ACYP2: variants seen among roughly 807,000 people sequenced by gnomAD.
The protein encoded by ACYP2 is acylphosphatase 2, also known as acylphosphatase-2.
A neutral mutation model predicts 11.2 loss-of-function variants in ACYP2; 12 were observed. The observed-to-expected ratio is 1.08, with a 90% CI of 0.69 to 1.74. The LOEUF (loss-of-function observed/expected upper bound fraction) is 1.74, where lower values mean the gene tolerates loss of function less well. Among genes scored for constraint, ACYP2 ranks in the 40% most tolerant of loss-of-function variants. ACYP2 has a pLI of 0.00. For missense variants in ACYP2, 134 were observed against 101.9 expected, an observed-to-expected ratio of 1.31 and a Z score of -1.35; for synonymous variants, 43 against 32.2, an observed-to-expected ratio of 1.33 and a Z score of -1.13.
chr2:54,186,108 T>C (rs1683981610), intron 6 of ACYP2, among the ~76,000 whole-genome samples: 1 of 152,086 alleles, frequency 6.6e-6, no homozygotes, highest in African/African-American at 2.4e-5. Context: ...AAATTGAATA[T>C]AAAGAGAGAA....
At chr2:54,126,188 CGT>C (rs1387452236) in intron 4 of ACYP2, among the ~76,000 whole-genome samples, 1 of 152,092 alleles carries the variant, frequency 6.6e-6, no homozygotes, top group Non-Finnish European at 1.5e-5. Context: ...GTAATAATAA[CGT>C]ATGTATTTTT....
intron 3 of ACYP2, among the ~76,000 whole-genome samples, chr2:54,056,023 A>C (rs570153418): frequency 6.6e-6 from 1 of 152,340 alleles, no homozygotes; most frequent in South Asian, 2.1e-4. Flanking sequence ...GAAGTTAAAT[A>C]AATTATTTGC....
intron 2 of ACYP2, among the ~76,000 whole-genome samples, chr2:53,999,254 C>T (rs1393384946): frequency 6.6e-6 from 1 of 152,124 alleles, no homozygotes; most frequent in African/African-American, 2.4e-5. Context: ...ACATCAATAG[C>T]AAGTTTATGA....
At chr2:54,118,544 C>T (rs1256548970) in intron 4 of ACYP2, among the ~76,000 whole-genome samples, 1 of 152,244 alleles carries the variant, frequency 6.6e-6, no homozygotes, top group Non-Finnish European at 1.5e-5. Context: ...TTTGATTCTA[C>T]ATCTCTCTGA....
intron 2 of ACYP2, among the ~76,000 whole-genome samples, chr2:53,996,109 G>A (rs1026129585): frequency 7.2e-5 from 11 of 151,828 alleles, no homozygotes; most frequent in Non-Finnish European, 1.3e-4. Context: ...ACTCCAGCCC[G>A]GGCAACAAGA....
chr2:54,250,861 T>C (rs1467929487), intron 6 of ACYP2, among the ~76,000 whole-genome samples: 3 of 152,224 alleles, frequency 2.0e-5, no homozygotes, highest in Non-Finnish European at 4.4e-5. Context: ...CTATAGCATA[T>C]GCCATAGGTA....
intron 2 of ACYP2, among the ~76,000 whole-genome samples, chr2:54,036,704 A>G (rs925035087): frequency 2.0e-5 from 3 of 152,242 alleles, no homozygotes; most frequent in African/African-American, 4.8e-5. Context: ...GAGAAAATGC[A>G]CAAATTAGGC....
chr2:54,031,173 T>C (rs1315436496), intron 2 of ACYP2, among the ~76,000 whole-genome samples: 2 of 152,120 alleles, frequency 1.3e-5, no homozygotes, highest in East Asian at 3.8e-4. Flanking sequence ...ATGTGCACAA[T>C]GCGCAGGTTT....
At chr2:54,016,725 CTTTTT>C (rs5831288) in intron 2 of ACYP2, among the ~76,000 whole-genome samples, 3 of 129,712 alleles carry the variant, frequency 2.3e-5, no homozygotes, top group African/African-American at 2.9e-5. Context: ...CCTTCAGTGT[CTTTTT>C]TTTTTTTTTT....
intron 6 of ACYP2, among the ~76,000 whole-genome samples, chr2:54,293,255 T>C (rs1400810817): frequency 6.6e-6 from 1 of 152,172 alleles, no homozygotes; most frequent in East Asian, 1.9e-4. Flanking sequence ...ACCTATTCTG[T>C]TCCACCAAAT....
chr2:54,021,980 A>T (rs943589109), intron 2 of ACYP2, among the ~76,000 whole-genome samples: 14 of 152,068 alleles, frequency 9.2e-5, no homozygotes, highest in Non-Finnish European at 1.2e-4. Context: ...GTAAAAAAAT[A>T]AAAAAATGAC....
At chr2:54,066,482 G>T (rs1307864384) in intron 4 of ACYP2, among the ~76,000 whole-genome samples, 2 of 152,128 alleles carry the variant, frequency 1.3e-5, no homozygotes, top group African/African-American at 4.8e-5. Context: ...AATAGATATT[G>T]CTGACCTCAT....
intron 4 of ACYP2, among the ~76,000 whole-genome samples, chr2:54,071,759 C>A (rs1279149785): frequency 6.6e-6 from 1 of 152,108 alleles, no homozygotes; most frequent in African/African-American, 2.4e-5. Context: ...GCCTGTAATC[C>A]CAGCACTTTG....
At chr2:54,299,820 T>C (rs1255076760) in intron 6 of ACYP2, among the ~76,000 whole-genome samples, 3 of 152,154 alleles carry the variant, frequency 2.0e-5, no homozygotes, top group Non-Finnish European at 4.4e-5. Context: ...GTTTGGACCC[T>C]GCTTGCAGGA....
chr2:54,276,627 A>T (rs1688591860), intron 6 of ACYP2, among the ~76,000 whole-genome samples: 1 of 82,448 alleles, frequency 1.2e-5, no homozygotes, highest in South Asian at 3.4e-4. Flanking sequence ...TTTCACACAC[A>T]CACACACACA....
intron 2 of ACYP2, among the ~76,000 whole-genome samples, chr2:53,984,530 T>C (rs1183587939): frequency 6.6e-6 from 1 of 151,738 alleles, no homozygotes; most frequent in Non-Finnish European, 1.5e-5. Flanking sequence ...CGAGCCGAGA[T>C]CGCACCACTG....
intron 4 of ACYP2, among the ~76,000 whole-genome samples, chr2:54,125,005 G>C (rs1680396233): frequency 6.6e-6 from 1 of 152,068 alleles, no homozygotes; most frequent in South Asian, 2.1e-4. Context: ...CATCTGCCTT[G>C]TCTTCCCAAA....
intron 6 of ACYP2, among the ~76,000 whole-genome samples, chr2:54,281,938 A>T (rs10199945): frequency 6.6e-6 from 1 of 152,118 alleles, no homozygotes; most frequent in African/African-American, 2.4e-5. Flanking sequence ...CAAGCAACAC[A>T]GTTAGCAAGC....
chr2:53,985,956 T>G (rs1190443111), intron 2 of ACYP2, among the ~76,000 whole-genome samples: 19 of 151,940 alleles, frequency 1.3e-4, no homozygotes. Flanking sequence ...GCCAACATGG[T>G]GAAACCCCAT....
Sources: allele counts gnomAD v4.1 joint callset (sites outside exome capture counted in the v4.1 genomes callset), GRCh38; gene constraint gnomAD v4.1.1; transcripts MANE v1.5; gene names NCBI Gene and HGNC (gene_info 2026-07-23, HGNC 2026-07-21).